Variants in HSD17B6 observed in about 807,000 individuals in gnomAD.
HSD17B6 encodes the protein 17-beta-hydroxysteroid dehydrogenase type 6.
A neutral mutation model predicts 26.4 loss-of-function variants in HSD17B6; 16 were observed. The observed-to-expected ratio is 0.61, with a 90% confidence interval of 0.41 to 0.92. The LOEUF is 0.92. Among genes scored for constraint, HSD17B6 ranks in the 40% least tolerant of loss-of-function variants. The pLI is 0.00. For synonymous variants in HSD17B6, 139 were observed against 153.0 expected (o/e 0.91, Z 0.68); for missense variants, 357 against 386.1 (o/e 0.92, Z 0.63).
intron 1 of HSD17B6, among the ~76,000 whole-genome samples, chr12:56,771,102 C>T (rs1482853544): frequency 6.6e-6 from 1 of 152,188 alleles, no homozygotes; most frequent in Non-Finnish European, 1.5e-5. Flanking sequence ...CAGTGTGGAA[C>T]TTCTCCAGTG....
At position 56,787,245 on chromosome 12, in the gene HSD17B6, A is replaced by C; in HGVS notation, c.857A>C (p.Asp286Ala). 1.2e-6 allele frequency: 2 copies of C among 1,614,112 alleles called. No homozygotes were observed. The highest frequency in any genetic ancestry group is 1.7e-6 in the Non-Finnish European group (2 of 1,179,964). The change falls in exon 5 of 5, where the codon GAT becomes GCT. Residue 286 changes from aspartate (D) to alanine (A), a missense_variant. Physicochemically the swap from Asp to Ala is moderately radical, Grantham distance 126. Transcript: ENST00000322165. ...HPRTRYSAGW[D>A]AKFFFIPLSY... is the part of the protein sequence containing the mutation. ...CGAACTCGATATTCAGCTGGCTGGGATGCTAAATTTTTCTTCATCCCTCTA... is the reference window on the plus strand; with the variant it reads ...CGAACTCGATATTCAGCTGGCTGGGCTGCTAAATTTTTCTTCATCCCTCTA...
chr12:56,783,997 CG>C (rs1954812189), intron 3 of HSD17B6, among the ~76,000 whole-genome samples: 1 of 149,986 alleles, frequency 6.7e-6, no homozygotes, highest in Non-Finnish European at 1.5e-5. Context: ...ACCTCCCAGA[CG>C]GGGTCGCGGC....
chr12:56,777,226 G>C (rs1370394296), intron 2 of HSD17B6, among the ~76,000 whole-genome samples: 1 of 152,112 alleles, frequency 6.6e-6, no homozygotes, highest in Non-Finnish European at 1.5e-5. Flanking sequence ...CACTAGAGTA[G>C]CTGGGACTAC....
chr12:56,787,238 G>A lies in HSD17B6; in HGVS notation c.850G>A (p.Gly284Ser). The A allele has an allele frequency of 6.2e-7, 1 of 1,614,086 alleles. No individual in the cohort carries two copies. The highest frequency in any genetic ancestry group is 8.5e-7 in the Non-Finnish European group (1 of 1,179,944). ...SVHPRTRYSA[G>S]WDAKFFFIPL... ...GCATCCGCGAACTCGATATTCAGCT[G>A]GCTGGGATGCTAAATTTTTCTTCAT... Residue 284 changes from glycine to serine, a missense_variant, in exon 5 of 5, where the codon GGC becomes AGC. Gly to Ser is a moderately conservative substitution (Grantham distance 56). Coordinates refer to ENST00000322165, the MANE Select transcript of HSD17B6 (RefSeq NM_003725.4).
Position 56,787,626 on chromosome 12 carries a change from T to A in HSD17B6, c.*284T>A. 1 of 350,906 alleles carries A rather than the reference T, an allele frequency of 2.8e-6. No individual in the cohort carries two copies. Among genetic ancestry groups the A allele is most frequent in the Non-Finnish European group, 5.2e-6 (1 of 191,940 alleles). The allele number at this position is 350,906 out of a possible 1,614,324, so 21.7% of individuals were successfully genotyped here. A position where few individuals can be genotyped will look rare whatever the true frequency, so the allele number is the denominator to read the frequency against. ...TTAAACAGAGTAGATGGAAAACAAT[T>A]TAACCTATTTTGAAGTCATTTCTTT... On this transcript the variant is annotated 3_prime_UTR_variant, in exon 5 of 5. Coordinates refer to ENST00000322165, the MANE Select transcript of HSD17B6 (RefSeq NM_003725.4).
chr12:56,786,046 G>C, intron 4 of HSD17B6: 1 of 616,292 alleles, frequency 1.6e-6, no homozygotes, highest in Non-Finnish European at 2.0e-6. Flanking sequence ...TGATGAAAAT[G>C]TTCTAAATGT....
intron 2 of HSD17B6, among the ~76,000 whole-genome samples, chr12:56,777,819 C>T (rs2137916349): frequency 6.6e-6 from 1 of 152,174 alleles, no homozygotes; most frequent in East Asian, 1.9e-4. Context: ...CCCAGGAGTT[C>T]AACACCAGCC....
chr12:56,767,373 C>G (rs538183667), intron 1 of HSD17B6, among the ~76,000 whole-genome samples: 1 of 150,794 alleles, frequency 6.6e-6, no homozygotes, highest in Admixed American at 6.6e-5. Flanking sequence ...AAAAATTAGC[C>G]GGGCGTGGTG....
At position 56,787,109 on chromosome 12, in the gene HSD17B6, C is replaced by CT. The variant is rs1253467937; in HGVS notation, c.737-9dup. 1.9e-6 allele frequency: 3 copies of CT among 1,588,148 alleles called. No homozygotes were observed. Among genetic ancestry groups the CT allele is most frequent in the Middle Eastern group, 1.7e-4 (1 of 6,028 alleles). On this transcript the variant is annotated splice_polypyrimidine_tract_variant and intron_variant, in intron 4 of 4. Transcript: ENST00000322165. Reference sequence around the variant, plus strand: ...GGAATAAGATTGTTGACCACCATTTCTTTTTTTGTATACAGTTTACAATAT... The same window carrying CT: ...GGAATAAGATTGTTGACCACCATTTCTTTTTTTTGTATACAGTTTACAATAT...
intron 4 of HSD17B6, 130 bp from the exon 5 acceptor site, chr12:56,786,995 T>C (rs922276031): frequency 4.6e-5 from 31 of 668,136 alleles, no homozygotes; most frequent in Middle Eastern, 3.6e-4. Context: ...CTAGTGGCTA[T>C]CATATTGGGA....
chr12:56,776,652 GTTTGT>G (rs1310657077), intron 2 of HSD17B6, among the ~76,000 whole-genome samples: 2 of 151,440 alleles, frequency 1.3e-5, no homozygotes, highest in Non-Finnish European at 2.9e-5. Flanking sequence ...TTTTTTGTTT[GTTTGT>G]TTTGTTTTGT....
chr12:56,767,817 ATATG>A (rs986204779), intron 1 of HSD17B6, among the ~76,000 whole-genome samples: 39 of 147,022 alleles, frequency 2.7e-4, no homozygotes, highest in African/African-American at 9.1e-4. Flanking sequence ...TATATAATAT[ATATG>A]TGTGTATATA....
rs1207017745 is a variant in HSD17B6, at chr12:56,787,310, AGATCTTG to A, written c.924_930del (p.Arg308SerfsTer30). 6 of 1,613,962 alleles carry A rather than the reference AGATCTTG, an allele frequency of 3.7e-6. No homozygotes were observed. In the African/African-American group the frequency reaches 6.7e-5, roughly 18 times the overall value. ...ATCACTGGCAGACTACATTTTGACT[AGATCTTG>A]GCCCAAACCAGCCCAGGCAGTCTAA... On this transcript the variant is annotated frameshift_variant, in exon 5 of 5. Transcript: ENST00000322165. LOFTEE classifies it high-confidence loss of function.
intron 2 of HSD17B6, among the ~76,000 whole-genome samples, chr12:56,778,724 G>T (rs1954646513): frequency 6.7e-6 from 1 of 148,696 alleles, no homozygotes; most frequent in Non-Finnish European, 1.5e-5. Flanking sequence ...GCCCAGGCTG[G>T]AGTGCAGTGG....
In HSD17B6 at chr12:56,784,888, T is replaced by C. The variant is rs1483744531; in HGVS notation, c.608T>C (p.Ile203Thr). The change falls in exon 4 of 5, where the codon ATA becomes ACA. Residue 203 changes from isoleucine (I) to threonine (T), a missense_variant. Transcript: ENST00000322165. ...EIQHFGVKISIVEPGYFRTGM... is the reference protein window; with the variant it reads ...EIQHFGVKISTVEPGYFRTGM... The stretch of plus-strand genomic sequence containing the variant: ...CAACATTTTGGGGTGAAAATCAGCA[T>C]AGTTGAACCTGGCTACTTCAGAACG... 1.2e-6 allele frequency: 2 copies of C among 1,614,046 alleles called. No homozygotes were observed. Among genetic ancestry groups the C allele is most frequent in the African/African-American group, 1.3e-5 (1 of 75,032 alleles).
At position 56,782,012 on chromosome 12, in the gene HSD17B6, C is replaced by G. The variant is rs1954725393; in HGVS notation, c.352C>G (p.Pro118Ala). 6.2e-7 allele frequency: 1 copy of G among 1,614,014 alleles called. No homozygotes were observed. The highest frequency in any genetic ancestry group is 1.1e-5 in the South Asian group (1 of 91,084). Residue 118 changes from proline (P) to alanine (A), a missense_variant, in exon 3 of 5, where the codon CCA (proline) becomes GCA (alanine). Coordinates refer to ENST00000322165, the MANE Select transcript of HSD17B6 (RefSeq NM_003725.4). ...GGTGAACAATGCAGGCATTCTTACACCAATTACCTTATGTGAGTGGCTGAA... is the reference window on the plus strand; with the variant it reads ...GGTGAACAATGCAGGCATTCTTACAGCAATTACCTTATGTGAGTGGCTGAA... ...GLVNNAGILTPITLCEWLNTE... is the reference protein window; with the variant it reads ...GLVNNAGILTAITLCEWLNTE...
At chr12:56,771,434 C>T (rs1215381824) in intron 1 of HSD17B6, among the ~76,000 whole-genome samples, 5 of 149,016 alleles carry the variant, frequency 3.4e-5, no homozygotes, top group African/African-American at 4.9e-5. Context: ...AGCAAGTGCT[C>T]GGCAAGGGTT....
chr12:56,775,179 T>C (rs1954565181), intron 2 of HSD17B6, among the ~76,000 whole-genome samples: 1 of 152,236 alleles, frequency 6.6e-6, no homozygotes, highest in South Asian at 2.1e-4. Context: ...ATTTTGTTGT[T>C]GAAAAATAAG....
chr12:56,784,184 C>A (rs1954819096), intron 3 of HSD17B6, among the ~76,000 whole-genome samples: 1 of 151,502 alleles, frequency 6.6e-6, no homozygotes, highest in Non-Finnish European at 1.5e-5. Flanking sequence ...ACGCTCCTCA[C>A]TTTCCAGACT....
Sources: gnomAD v4.1 joint callset for allele counts (sites outside exome capture counted in the v4.1 genomes callset) on GRCh38, gnomAD v4.1.1 for gene constraint, MANE v1.5 for transcripts, NCBI Gene and HGNC (gene_info 2026-07-23, HGNC 2026-07-21) for gene names.